CDH13: variants seen among roughly 807,000 people sequenced by gnomAD.
CDH13 encodes the protein cadherin 13.
Under a neutral mutation model 63.8 loss-of-function variants are expected in CDH13, and 24 were observed. That is an observed-to-expected ratio of 0.38 (90% CI 0.27 to 0.53). CDH13 has a LOEUF of 0.53. Among genes scored for constraint, CDH13 ranks in the 20% least tolerant of loss-of-function variants. CDH13 has a pLI of 0.85. For missense variants in CDH13, 1,049 were observed against 903.1 expected, an observed-to-expected ratio of 1.16 and a Z score of -2.07; for synonymous variants, 503 against 355.3, an observed-to-expected ratio of 1.42 and a Z score of -4.67.
At chr16:83,160,932 T>TA (rs759763120) in intron 4 of CDH13, among the ~76,000 whole-genome samples, 2 of 152,218 alleles carry the variant, frequency 1.3e-5, no homozygotes, top group Middle Eastern at 3.2e-3. Context: ...TGGGACTTGA[T>TA]ACAATGCTGG....
At chr16:82,805,395 TATCTC>T (rs2037090554) in intron 1 of CDH13, among the ~76,000 whole-genome samples, 1 of 152,228 alleles carries the variant, frequency 6.6e-6, no homozygotes, top group African/African-American at 2.4e-5. Flanking sequence ...GTCCTTGTCT[TATCTC>T]AGCTATGCAG....
rs1904301045 is a variant in CDH13, at chr16:83,799,295, C to A, written c.*4265C>A. Reference sequence around the variant, plus strand: ...CCAGCCTGGGCAACAGAGCAAGACTCCGTCAAAAAAAAAAAAAAAAAAAAA... The same window carrying A: ...CCAGCCTGGGCAACAGAGCAAGACTACGTCAAAAAAAAAAAAAAAAAAAAA... On this transcript the variant is annotated 3_prime_UTR_variant, in exon 14 of 14. Transcript: ENST00000567109. 1 of 101,264 alleles carries A rather than the reference C, an allele frequency of 9.9e-6. No individual in the cohort carries two copies. The highest frequency in any genetic ancestry group is 4.1e-5 in the African/African-American group (1 of 24,136). The allele number at this position is 101,264 out of a possible 1,614,324, so 6.3% of individuals were successfully genotyped here.
chr16:82,781,691 C>T (rs1036389141), intron 1 of CDH13, among the ~76,000 whole-genome samples: 4 of 152,208 alleles, frequency 2.6e-5, no homozygotes, highest in African/African-American at 9.6e-5. Flanking sequence ...CACCCACTTA[C>T]CTCCCCTCTC....
intron 11 of CDH13, among the ~76,000 whole-genome samples, chr16:83,775,118 T>C (rs1188017305): frequency 6.6e-6 from 1 of 151,754 alleles, no homozygotes; most frequent in Non-Finnish European, 1.5e-5. Flanking sequence ...TATAGGTTAA[T>C]GCTTGCTCTA....
At chr16:82,908,309 C>G (rs934465358) in intron 2 of CDH13, among the ~76,000 whole-genome samples, 2 of 152,122 alleles carry the variant, frequency 1.3e-5, no homozygotes, top group African/African-American at 4.8e-5. Context: ...TGGAAAGTGC[C>G]AGATGCAAGA....
chr16:83,614,936 C>T (rs368297421), intron 8 of CDH13, among the ~76,000 whole-genome samples: 40 of 152,252 alleles, frequency 2.6e-4, no homozygotes, highest in African/African-American at 9.6e-4. Context: ...TTGATGATAT[C>T]GATAAGCAAG....
At chr16:83,768,678 G>T (rs1326654718) in intron 11 of CDH13, among the ~76,000 whole-genome samples, 2 of 152,146 alleles carry the variant, frequency 1.3e-5, no homozygotes, top group African/African-American at 2.4e-5. Context: ...GCTAAACAAA[G>T]GGTGAATTAT....
chr16:83,144,816 C>T (rs2036678316), intron 4 of CDH13, among the ~76,000 whole-genome samples: 1 of 152,234 alleles, frequency 6.6e-6, no homozygotes, highest in Non-Finnish European at 1.5e-5. Context: ...ATTTCAAGAA[C>T]AGTCTCCTCT....
chr16:82,982,770 T>A (rs1340234110), intron 2 of CDH13, among the ~76,000 whole-genome samples: 1 of 152,202 alleles, frequency 6.6e-6, no homozygotes, highest in Non-Finnish European at 1.5e-5. Flanking sequence ...ATTCTGTTCC[T>A]TGTCCTGATG....
intron 3 of CDH13, among the ~76,000 whole-genome samples, chr16:83,061,962 G>T (rs1048195747): frequency 6.6e-6 from 1 of 152,200 alleles, no homozygotes; most frequent in Non-Finnish European, 1.5e-5. Context: ...TTTGGAGCTC[G>T]AAACTGAGAT....
intron 4 of CDH13, among the ~76,000 whole-genome samples, chr16:83,164,896 A>G (rs186577853): frequency 6.6e-6 from 1 of 151,726 alleles, no homozygotes; most frequent in Non-Finnish European, 1.5e-5. Context: ...TATCTTACAG[A>G]TAAAAACACT....
chr16:82,736,547 A>T (rs909534815), intron 1 of CDH13, among the ~76,000 whole-genome samples: 1 of 152,168 alleles, frequency 6.6e-6, no homozygotes, highest in Non-Finnish European at 1.5e-5. Context: ...GCAGCATCCC[A>T]TTCCAATGCC....
intron 6 of CDH13, among the ~76,000 whole-genome samples, chr16:83,357,474 C>T (rs2091077988): frequency 6.6e-6 from 1 of 152,020 alleles, no homozygotes; most frequent in African/African-American, 2.4e-5. Flanking sequence ...AAATATTGAC[C>T]CACGCAACTA....
chr16:82,715,471 C>T (rs889398228), intron 1 of CDH13, among the ~76,000 whole-genome samples: 48 of 152,032 alleles, frequency 3.2e-4, no homozygotes, highest in Admixed American at 2.9e-3. Context: ...GAGCTACGTG[C>T]GATGCTGCCT....
At position 83,236,828 on chromosome 16, in the gene CDH13, G is replaced by A. The variant is rs535839897; in HGVS notation, c.636+19331G>A. ...ATGAGTGGCAGGGGTGGGAAGGAGG[G>A]CCTACTTATAGGTCTGGGTTTCCCT... On this transcript the variant is annotated intron_variant, in intron 5 of 13. Coordinates refer to ENST00000567109, the MANE Select transcript of CDH13 (RefSeq NM_001257.5). 2.2e-4 allele frequency among the ~76,000 whole-genome samples: 33 copies of A among 152,222 alleles called. No homozygotes were observed. In the South Asian group the frequency reaches 6.9e-3, roughly 32 times the overall value.
intron 10 of CDH13, among the ~76,000 whole-genome samples, chr16:83,742,888 C>T (rs1912198605): frequency 6.6e-6 from 1 of 152,186 alleles, no homozygotes; most frequent in African/African-American, 2.4e-5. Context: ...TCCTTGAGGT[C>T]TCCCATGGGA....
intron 5 of CDH13, among the ~76,000 whole-genome samples, chr16:83,334,972 A>G (rs949837330): frequency 9.9e-5 from 15 of 152,222 alleles, no homozygotes; most frequent in African/African-American, 3.4e-4. Flanking sequence ...AGTAAGGGCA[A>G]TGTAAGTGTC....
chr16:83,322,583 A>G (rs2090254544), intron 5 of CDH13, among the ~76,000 whole-genome samples: 2 of 152,144 alleles, frequency 1.3e-5, no homozygotes, highest in South Asian at 4.1e-4. Flanking sequence ...GGGGTGCAGC[A>G]GTATATACCT....
chr16:82,799,925 A>G (rs2151157719), intron 1 of CDH13, among the ~76,000 whole-genome samples: 1 of 152,294 alleles, frequency 6.6e-6, no homozygotes, highest in African/African-American at 2.4e-5. Context: ...ATTGACTCCT[A>G]GGTAGGAACC....
Sources: gnomAD v4.1 joint callset for allele counts (sites outside exome capture counted in the v4.1 genomes callset) on GRCh38, gnomAD v4.1.1 for gene constraint, MANE v1.5 for transcripts, NCBI Gene and HGNC (gene_info 2026-07-23, HGNC 2026-07-21) for gene names.